Variants in FOXP1 observed in about 807,000 individuals in gnomAD.
The protein encoded by FOXP1 is forkhead box P1.
In FOXP1, 15 loss-of-function variants were observed where a neutral mutation model predicts 98.2. That is an observed-to-expected ratio of 0.15 (90% confidence interval 0.10 to 0.24). The LOEUF is 0.24. Among genes scored for constraint, FOXP1 ranks in the 10% least tolerant of loss-of-function variants. The pLI, the probability that FOXP1 is intolerant of heterozygous loss-of-function variation, is 1.00. For missense variants in FOXP1, 633 were observed against 848.5 expected, an observed-to-expected ratio of 0.75 and a Z score of 3.15; for synonymous variants, 371 against 314.5, an observed-to-expected ratio of 1.18 and a Z score of -1.90.
At chr3:71,542,311 G>A (rs994386515) in intron 2 of FOXP1, among the ~76,000 whole-genome samples, 3 of 152,008 alleles carry the variant, frequency 2.0e-5, no homozygotes, top group African/African-American at 7.3e-5. Flanking sequence ...TTTTGTTGTT[G>A]TTTGCACCCA....
chr3:71,411,061 T>C (rs564998617), intron 3 of FOXP1, among the ~76,000 whole-genome samples: 1 of 152,320 alleles, frequency 6.6e-6, no homozygotes, highest in Admixed American at 6.5e-5. Flanking sequence ...GTAATTGAAT[T>C]AATCCACTCT....
At chr3:71,037,878 C>T (rs1471212343) in intron 11 of FOXP1, among the ~76,000 whole-genome samples, 1 of 152,194 alleles carries the variant, frequency 6.6e-6, no homozygotes, top group Non-Finnish European at 1.5e-5. Flanking sequence ...CTCTACCCTG[C>T]GCAACAGGGA....
intron 2 of FOXP1, among the ~76,000 whole-genome samples, chr3:71,494,455 T>G (rs911170824): frequency 1.3e-5 from 2 of 152,234 alleles, no homozygotes; most frequent in East Asian, 3.8e-4. Context: ...GAAGATGTGC[T>G]GTGACCAGAG....
At chr3:70,964,169 G>T (rs2034226990) in intron 20 of FOXP1, among the ~76,000 whole-genome samples, 1 of 152,240 alleles carries the variant, frequency 6.6e-6, no homozygotes, top group African/African-American at 2.4e-5. Flanking sequence ...AAACCTGTGA[G>T]ATTTGAGCAA....
intron 7 of FOXP1, among the ~76,000 whole-genome samples, chr3:71,089,431 T>G (rs2055541865): frequency 6.6e-6 from 1 of 152,204 alleles, no homozygotes; most frequent in Non-Finnish European, 1.5e-5. Flanking sequence ...TGAGATGCTA[T>G]GAGCCTGAAC....
chr3:71,173,732 G>T (rs904072899), intron 6 of FOXP1, among the ~76,000 whole-genome samples: 1 of 152,154 alleles, frequency 6.6e-6, no homozygotes. Flanking sequence ...GAGGGCTGAA[G>T]TCATCTCACC....
chr3:71,531,350 C>G (rs2043830659), intron 2 of FOXP1, among the ~76,000 whole-genome samples: 1 of 152,200 alleles, frequency 6.6e-6, no homozygotes, highest in Non-Finnish European at 1.5e-5. Flanking sequence ...CAGCAAGAAG[C>G]CACTCAGCTA....
At chr3:71,352,482 A>AAAC (rs562152100) in intron 4 of FOXP1, among the ~76,000 whole-genome samples, 6,487 of 148,296 alleles carry the variant, frequency 0.044, 199 homozygotes, top group Middle Eastern at 0.076. Flanking sequence ...AAAAAAAAAA[A>AAAC]AAAAAAAAAA....
chr3:71,267,124 A>AGAGTGTGTGT (rs142661368), intron 5 of FOXP1, among the ~76,000 whole-genome samples: 7,224 of 148,246 alleles, frequency 0.049, 287 homozygotes, highest in African/African-American at 0.1. Context: ...TATGGGAGAG[A>AGAGTGTGTGT]GTGTGTGTGT....
rs553730759 is a variant in FOXP1, at chr3:71,146,948, G to A, written c.181-34311C>T. On this transcript the variant is annotated intron_variant, in intron 6 of 20. Transcript: ENST00000649528. ...AGCGAGCGCTGCTCTACTTGCTGGCGCCCAGTGAGCAAGGTTACCACCTGT... is the reference window on the plus strand; with the variant it reads ...AGCGAGCGCTGCTCTACTTGCTGGCACCCAGTGAGCAAGGTTACCACCTGT... Among the ~76,000 whole-genome samples the A allele has an allele frequency of 1.6e-4, 24 of 152,298 alleles. 1 individual carries two copies. The highest frequency in any genetic ancestry group is 5.5e-4 in the African/African-American group (23 of 41,550).
chr3:71,561,393 T>C (rs1224332948), intron 2 of FOXP1, among the ~76,000 whole-genome samples: 2 of 108,292 alleles, frequency 1.8e-5, no homozygotes, highest in East Asian at 6.2e-4. Context: ...GAATTCTATC[T>C]CAATAAAGCT....
At chr3:71,118,338 C>T (rs2058523613) in intron 6 of FOXP1, among the ~76,000 whole-genome samples, 1 of 152,154 alleles carries the variant, frequency 6.6e-6, no homozygotes, top group African/African-American at 2.4e-5. Context: ...AACTTCTGAG[C>T]TATTTACATT....
chr3:71,085,229 A>G (rs1437341995), intron 7 of FOXP1, among the ~76,000 whole-genome samples: 1 of 151,912 alleles, frequency 6.6e-6, no homozygotes, highest in East Asian at 1.9e-4. Context: ...TGCAACCTCA[A>G]CCTCCCATGG....
chr3:71,203,058 A>G (rs1576362906), intron 5 of FOXP1, among the ~76,000 whole-genome samples: 1 of 152,304 alleles, frequency 6.6e-6, no homozygotes. Context: ...AACACTGTGT[A>G]ATCATACAAA....
intron 6 of FOXP1, among the ~76,000 whole-genome samples, chr3:71,124,449 T>G (rs2059010335): frequency 6.6e-6 from 1 of 151,962 alleles, no homozygotes; most frequent in South Asian, 2.1e-4. Context: ...GTTTAAAGTA[T>G]GTAAAATAAC....
intron 18 of FOXP1, 123 bp from the exon 19 acceptor site, chr3:70,970,928 C>G (rs1314225411): frequency 5.3e-6 from 4 of 758,156 alleles, no homozygotes; most frequent in South Asian, 4.3e-5. Context: ...TAGCAAAACC[C>G]AAGAAAAGTC....
intron 4 of FOXP1, among the ~76,000 whole-genome samples, chr3:71,311,478 A>T (rs1402392053): frequency 6.6e-6 from 1 of 152,222 alleles, no homozygotes; most frequent in African/African-American, 2.4e-5. Flanking sequence ...TAATCAGTGT[A>T]TGAGTGGAAC....
chr3:71,125,955 T>A (rs981898072), intron 6 of FOXP1, among the ~76,000 whole-genome samples: 5 of 152,154 alleles, frequency 3.3e-5, no homozygotes, highest in African/African-American at 9.7e-5. Context: ...TCAATAAGAA[T>A]GGGAGGAACT....
chr3:71,357,855 A>T (rs2078270202), intron 4 of FOXP1, among the ~76,000 whole-genome samples: 1 of 152,184 alleles, frequency 6.6e-6, no homozygotes, highest in African/African-American at 2.4e-5. Context: ...TACTTAAATA[A>T]TTTTTTATAC....
Sources: allele counts gnomAD v4.1 joint callset (sites outside exome capture counted in the v4.1 genomes callset), GRCh38; gene constraint gnomAD v4.1.1; transcripts MANE v1.5; gene names NCBI Gene and HGNC (gene_info 2026-07-23, HGNC 2026-07-21).